INPP5A: variants seen among roughly 807,000 people sequenced by gnomAD.
INPP5A encodes the protein 43 kDa inositol polyphosphate 5-phophatase.
Under a neutral mutation model 65.2 loss-of-function variants are expected in INPP5A, and 14 were observed. The ratio of observed to expected loss-of-function variants is 0.21; its 90% CI spans 0.14 to 0.34. The LOEUF is 0.34. Ranked by LOEUF, INPP5A falls within the 10% of genes least tolerant of loss-of-function variation. The pLI, the probability that INPP5A is intolerant of heterozygous loss-of-function variation, is 1.00. For missense variants in INPP5A, 431 were observed against 545.6 expected (o/e 0.79, Z 2.09); for synonymous variants, 207 against 208.3 (o/e 0.99, Z 0.05).
chr10:132,681,484 A>G (rs147843834), intron 4 of INPP5A, among the ~76,000 whole-genome samples: 1 of 152,180 alleles, frequency 6.6e-6, no homozygotes, highest in Non-Finnish European at 1.5e-5. Context: ...ATCAGAAGGA[A>G]CAAACCCCGG....
intron 1 of INPP5A, among the ~76,000 whole-genome samples, chr10:132,572,194 C>G (rs1013449690): frequency 6.6e-6 from 1 of 152,226 alleles, no homozygotes; most frequent in East Asian, 1.9e-4. Flanking sequence ...AGAGGCTGGC[C>G]GGAGGGACCA....
chr10:132,626,719 T>C (rs2072188566), intron 2 of INPP5A, among the ~76,000 whole-genome samples: 1 of 152,234 alleles, frequency 6.6e-6, no homozygotes, highest in Non-Finnish European at 1.5e-5. Context: ...CAAGGCTTGC[T>C]GTGGAATGCA....
chr10:132,713,341 C>T (rs1564978155), intron 8 of INPP5A, among the ~76,000 whole-genome samples: 1 of 152,006 alleles, frequency 6.6e-6, no homozygotes, highest in Non-Finnish European at 1.5e-5. Flanking sequence ...GGTGTGGCTC[C>T]AGGGGGAGTT....
intron 1 of INPP5A, among the ~76,000 whole-genome samples, chr10:132,561,345 G>GTT (rs1236274135): frequency 6.6e-6 from 1 of 151,812 alleles, no homozygotes; most frequent in Non-Finnish European, 1.5e-5. Context: ...GCTCTTACAT[G>GTT]TAGGTCTTTG....
chr10:132,724,962 G>A lies in INPP5A; in HGVS notation c.648-1859G>A, dbSNP rs1047556430. On this transcript the variant is annotated intron_variant, in intron 8 of 15. Transcript: ENST00000368594. ...AGAACTCACGGGGAGACCCCAGGAC[G>A]ACAGGAGCACACGCCATATTCACCA... Among the ~76,000 whole-genome samples the A allele has an allele frequency of 4.7e-5, 7 of 148,810 alleles. No individual in the cohort carries two copies. In the East Asian group the frequency reaches 1.0e-3, roughly 22 times the overall value.
intron 2 of INPP5A, among the ~76,000 whole-genome samples, chr10:132,626,284 G>T (rs931564461): frequency 6.6e-6 from 1 of 152,224 alleles, no homozygotes. Flanking sequence ...GGTTCGCCTG[G>T]TTAAACAAAG....
chr10:132,581,060 C>T (rs2071477183), intron 1 of INPP5A, among the ~76,000 whole-genome samples: 1 of 152,216 alleles, frequency 6.6e-6, no homozygotes, highest in Non-Finnish European at 1.5e-5. Context: ...AGGGAGGTGG[C>T]TCTTGTGGGT....
chr10:132,546,765 TC>T lies in INPP5A; in HGVS notation c.75+8598del, dbSNP rs1010245300. On this transcript the variant is annotated intron_variant, in intron 1 of 15. Coordinates refer to ENST00000368594, the MANE Select transcript of INPP5A (RefSeq NM_005539.5). The surrounding 1 kb of genome is among the most constrained non-coding windows in gnomAD (Gnocchi z 5.7). ...CCCTGGGCTCTGGCCTGTCCCCTTG[TC>T]CCCACCTGACCGCCCAGCCACTGTT... Among the ~76,000 whole-genome samples the T allele has an allele frequency of 2.6e-5, 4 of 152,116 alleles. No individual in the cohort carries two copies. Among genetic ancestry groups the T allele is most frequent in the African/African-American group, 9.7e-5 (4 of 41,420 alleles).
rs187791430 is a variant in INPP5A at position 132,661,198 on chromosome 10, T to C, written c.306+10693T>C. Among the ~76,000 whole-genome samples the C allele has an allele frequency of 3.8e-3, 579 of 152,380 alleles. 2 individuals carry two copies. Among genetic ancestry groups the C allele is most frequent in the African/African-American group, 0.013 (551 of 41,594 alleles). On this transcript the variant is annotated intron_variant, in intron 4 of 15. Transcript: ENST00000368594. ...AATCCAGCACCATGTGTAAATTGTT[T>C]GATGCTTGAGATCAACTTTACTGAA...
Position 132,565,822 on chromosome 10 carries a change from T to C in INPP5A, c.75+27651T>C, listed in dbSNP as rs548206179. Among the ~76,000 whole-genome samples, 4 of 152,004 alleles carry C rather than the reference T, an allele frequency of 2.6e-5. No homozygotes were observed. In the East Asian group the frequency reaches 7.8e-4, roughly 29 times the overall value. ...GTGTGTGGGTCTCTGTGTATGCATG[T>C]ATGTGTGCATGTGTGTATGTGAATG... On this transcript the variant is annotated intron_variant, in intron 1 of 15. Transcript: ENST00000368594.
At chr10:132,759,524 G>A (rs1005464987) in intron 11 of INPP5A, among the ~76,000 whole-genome samples, 2 of 152,184 alleles carry the variant, frequency 1.3e-5, no homozygotes, top group African/African-American at 2.4e-5. Context: ...GGCTTCGCTC[G>A]CTGCTGTGCT....
At chr10:132,680,072 C>T (rs1270526405) in intron 4 of INPP5A, among the ~76,000 whole-genome samples, 1 of 152,196 alleles carries the variant, frequency 6.6e-6, no homozygotes, top group Non-Finnish European at 1.5e-5. Flanking sequence ...GCACCAAAGG[C>T]ACAGGCAGCA....
chr10:132,581,142 C>T (rs544126999), intron 1 of INPP5A, among the ~76,000 whole-genome samples: 2 of 152,328 alleles, frequency 1.3e-5, no homozygotes, highest in East Asian at 3.9e-4. Flanking sequence ...TGGCTTCAGT[C>T]TCTTGCCAGA....
chr10:132,648,145 A>G (rs2072523589), intron 3 of INPP5A, among the ~76,000 whole-genome samples: 1 of 152,284 alleles, frequency 6.6e-6, no homozygotes, highest in Non-Finnish European at 1.5e-5. Flanking sequence ...TAAGTCGGTA[A>G]GAGAAGGAAA....
chr10:132,734,866 G>T (rs574104207), intron 9 of INPP5A, among the ~76,000 whole-genome samples: 2 of 152,366 alleles, frequency 1.3e-5, no homozygotes, highest in South Asian at 2.1e-4. Flanking sequence ...GTCTTGCAGG[G>T]TCCTCGGATG....
Position 132,708,370 on chromosome 10 carries a change from G to C in INPP5A, c.527+5G>C. ...GAGGTGGTGCATTGCAGACTGGTAC[G>C]TGGTGTCTGTGCTTTGTCAATTTCC... On this transcript the variant is annotated splice_donor_5th_base_variant and intron_variant, in intron 7 of 15. Transcript: ENST00000368594. 6.2e-7 allele frequency: 1 copy of C among 1,613,308 alleles called. No individual in the cohort carries two copies. The highest frequency in any genetic ancestry group is 8.5e-7 in the Non-Finnish European group (1 of 1,179,234).
intron 1 of INPP5A, among the ~76,000 whole-genome samples, chr10:132,590,635 C>T (rs939140413): frequency 1.1e-4 from 16 of 152,314 alleles, no homozygotes; most frequent in African/African-American, 3.6e-4. Context: ...CTAGAATCAC[C>T]GCACCCCGTT....
chr10:132,629,347 G>A (rs1409913320), intron 2 of INPP5A, among the ~76,000 whole-genome samples: 1 of 152,210 alleles, frequency 6.6e-6, no homozygotes, highest in Non-Finnish European at 1.5e-5. Flanking sequence ...CTCAACTTCA[G>A]GTGACGAATG....
chr10:132,665,174 C>A (rs1468348170), intron 4 of INPP5A, among the ~76,000 whole-genome samples: 1 of 152,214 alleles, frequency 6.6e-6, no homozygotes, highest in African/African-American at 2.4e-5. Context: ...GCAGACACAC[C>A]TGTGTTTCCA....
Sources: gnomAD v4.1 joint callset for allele counts (sites outside exome capture counted in the v4.1 genomes callset) on GRCh38, gnomAD v4.1.1 for gene constraint, Gnocchi (gnomAD v3.1) non-coding constraint, MANE v1.5 for transcripts, NCBI Gene and HGNC (gene_info 2026-07-23, HGNC 2026-07-21) for gene names.